Variants in TRIM44 observed in about 807,000 individuals in gnomAD.
The protein encoded by TRIM44 is tripartite motif-containing protein 44.
Under a neutral mutation model 37.4 loss-of-function variants are expected in TRIM44, and 13 were observed. That is an observed-to-expected ratio of 0.35 (90% CI 0.23 to 0.55). TRIM44 has a LOEUF of 0.55. TRIM44 is among the 20% of genes least tolerant of loss of function. The pLI is 0.89. For missense variants in TRIM44, 426 were observed against 437.2 expected (o/e 0.97, Z 0.23); for synonymous variants, 175 against 157.2 (o/e 1.11, Z -0.85).
At chr11:35,682,130 C>T (rs1302538156) in intron 1 of TRIM44, among the ~76,000 whole-genome samples, 1 of 151,746 alleles carries the variant, frequency 6.6e-6, no homozygotes, top group African/African-American at 2.4e-5. Flanking sequence ...CTCCTGTAGC[C>T]ATGCCTGTCC....
At chr11:35,774,861 C>G (rs992508575) in intron 4 of TRIM44, among the ~76,000 whole-genome samples, 4 of 152,042 alleles carry the variant, frequency 2.6e-5, no homozygotes, top group Admixed American at 6.6e-5. Context: ...TGCTGTTTTG[C>G]TTACTGGAGC....
chr11:35,788,406 A>G (rs1853157068), intron 4 of TRIM44, among the ~76,000 whole-genome samples: 1 of 152,154 alleles, frequency 6.6e-6, no homozygotes, highest in African/African-American at 2.4e-5. Flanking sequence ...TTCTTTACCA[A>G]AGGGAGGGGT....
chr11:35,735,364 A>C, intron 3 of TRIM44, 62 bp from the exon 4 acceptor site: 1 of 1,587,240 alleles, frequency 6.3e-7, no homozygotes, highest in East Asian at 2.2e-5. Context: ...AAAAGAAAGA[A>C]ATCTGACTCT....
intron 4 of TRIM44, among the ~76,000 whole-genome samples, chr11:35,771,267 G>C (rs989808536): frequency 7.9e-5 from 12 of 152,194 alleles, no homozygotes; most frequent in Admixed American, 7.8e-4. Context: ...GGAAACTGGC[G>C]CAAAGGTGAC....
intron 3 of TRIM44, among the ~76,000 whole-genome samples, chr11:35,733,635 A>G (rs1044134492): frequency 6.6e-6 from 1 of 152,132 alleles, no homozygotes; most frequent in Non-Finnish European, 1.5e-5. Flanking sequence ...CAGTCTGCCA[A>G]AAATGCCCTT....
At chr11:35,760,453 G>C (rs548101428) in intron 4 of TRIM44, among the ~76,000 whole-genome samples, 100 of 152,296 alleles carry the variant, frequency 6.6e-4, no homozygotes, top group African/African-American at 2.3e-3. Context: ...CAGGTGAGGC[G>C]ATGCCTCGCC....
Position 35,813,680 on chromosome 11 carries a change from AATG to A in TRIM44, c.*7300_*7302del, listed in dbSNP as rs1265900652. 2 of 152,286 alleles carry A rather than the reference AATG, an allele frequency of 1.3e-5. No individual in the cohort carries two copies. Among genetic ancestry groups the A allele is most frequent in the South Asian group, 2.1e-4 (1 of 4,822 alleles). 9.4% of individuals were successfully genotyped at this position (152,286 alleles called of 1,614,324 possible). ...TATCATGGGACAATATTCTATTTAA[AATG>A]ATGACCCTGTGCACCATACATAAAA... is the stretch of plus-strand genomic sequence containing the variant. On this transcript the variant is annotated 3_prime_UTR_variant, in exon 5 of 5. Transcript: ENST00000299413.
intron 2 of TRIM44, among the ~76,000 whole-genome samples, chr11:35,700,655 T>C (rs1474095929): frequency 6.6e-6 from 1 of 152,220 alleles, no homozygotes; most frequent in Non-Finnish European, 1.5e-5. Flanking sequence ...CAACCAGTTA[T>C]TTTACTTTAG....
At chr11:35,747,804 C>G (rs1411159442) in intron 4 of TRIM44, among the ~76,000 whole-genome samples, 1 of 151,594 alleles carries the variant, frequency 6.6e-6, no homozygotes, top group Non-Finnish European at 1.5e-5. Context: ...GTGGCAGGTG[C>G]AGGCCAACTG....
chr11:35,772,941 C>G (rs1852893316), intron 4 of TRIM44, among the ~76,000 whole-genome samples: 1 of 152,124 alleles, frequency 6.6e-6, no homozygotes, highest in Non-Finnish European at 1.5e-5. Context: ...CTCTGTGTCC[C>G]CATGCAAATC....
chr11:35,671,118 G>A (rs190007322), intron 1 of TRIM44, among the ~76,000 whole-genome samples: 11 of 152,352 alleles, frequency 7.2e-5, no homozygotes, highest in African/African-American at 2.6e-4. Flanking sequence ...TACTTTCTAA[G>A]TATTGGGAAT....
rs1380529058 is a variant in TRIM44 at position 35,808,819 on chromosome 11, T to G, written c.*2434T>G. ...TTTATCAATGTAAGAACTAGGATGC[T>G]TCCTGCAGTGGCACTACCTTCCCCT... On this transcript the variant is annotated 3_prime_UTR_variant, in exon 5 of 5. Coordinates refer to ENST00000299413, the MANE Select transcript of TRIM44 (RefSeq NM_017583.6). 6.6e-6 allele frequency: 1 copy of G among 152,250 alleles called. No homozygotes were observed. The highest frequency in any genetic ancestry group is 2.4e-5 in the African/African-American group (1 of 41,458). The allele number at this position is 152,250 out of a possible 1,614,324, so 9.4% of individuals were successfully genotyped here. A position where few individuals can be genotyped will look rare whatever the true frequency, so the allele number is the denominator to read the frequency against.
At chr11:35,737,824 A>G (rs1590555795) in intron 4 of TRIM44, among the ~76,000 whole-genome samples, 1 of 152,206 alleles carries the variant, frequency 6.6e-6, no homozygotes, top group Non-Finnish European at 1.5e-5. Flanking sequence ...CAACAAGAGC[A>G]AGACTCCATC....
intron 2 of TRIM44, among the ~76,000 whole-genome samples, chr11:35,705,739 A>T (rs1317746531): frequency 6.8e-6 from 1 of 147,686 alleles, no homozygotes; most frequent in African/African-American, 2.4e-5. Context: ...AACATACCAG[A>T]ATCTCTGGGA....
At position 35,740,174 on chromosome 11, in the gene TRIM44, T is replaced by C. The variant is rs567633392; in HGVS notation, c.1007+4729T>C. Among the ~76,000 whole-genome samples the C allele has an allele frequency of 1.6e-4, 23 of 146,444 alleles. No homozygotes were observed. In the South Asian group the frequency reaches 5.1e-3, roughly 32 times the overall value. ...TTTTTTTTCCTAAGCAGAAAAGCAA[T>C]TTACACTTTTGGCATCAATTTTCTG... On this transcript the variant is annotated intron_variant, in intron 4 of 4. Coordinates refer to ENST00000299413, the MANE Select transcript of TRIM44 (RefSeq NM_017583.6).
chr11:35,771,998 A>G (rs1852879310), intron 4 of TRIM44, among the ~76,000 whole-genome samples: 1 of 152,152 alleles, frequency 6.6e-6, no homozygotes, highest in Admixed American at 6.5e-5. Context: ...TGGTCAGCCC[A>G]GTGTCCCTGT....
rs35522287 is a variant in TRIM44, at chr11:35,665,586, G to GTTTTTTTT, written c.669+1825_669+1832dup. On this transcript the variant is annotated intron_variant, in intron 1 of 4. Transcript: ENST00000299413. ...TCATTATATGAGTTTTTATATATCT[G>GTTTTTTTT]TTTTTTTTTTTTTTTTTTTTTTTTT... Among the ~76,000 whole-genome samples, 7 of 71,512 alleles carry GTTTTTTTT rather than the reference G, an allele frequency of 9.8e-5. 1 individual carries two copies. The highest frequency in any genetic ancestry group is 2.8e-4 in the Admixed American group (2 of 7,254). The allele number at this position is 71,512 out of a possible 152,430, so 46.9% of individuals were successfully genotyped here.
intron 4 of TRIM44, among the ~76,000 whole-genome samples, chr11:35,802,692 A>G (rs1188902714): frequency 6.6e-6 from 1 of 152,202 alleles, no homozygotes; most frequent in East Asian, 1.9e-4. Context: ...CCGGTTAACT[A>G]AACTTCACTC....
At position 35,809,469 on chromosome 11, in the gene TRIM44, G is replaced by C. The variant is rs746628963; in HGVS notation, c.*3084G>C. ...AGTTAGGGCTCAGAAATGGCATTGA[G>C]GTAGCCTTATTTCTCCCCTTTAGCA... is the stretch of plus-strand genomic sequence containing the variant. On this transcript the variant is annotated 3_prime_UTR_variant, in exon 5 of 5. Transcript: ENST00000299413. 5 of 152,182 alleles carry C rather than the reference G, an allele frequency of 3.3e-5. No homozygotes were observed. Among genetic ancestry groups the C allele is most frequent in the Non-Finnish European group, 7.3e-5 (5 of 68,038 alleles). The allele number at this position is 152,182 out of a possible 1,614,324, so 9.4% of individuals were successfully genotyped here. A position where few individuals can be genotyped will look rare whatever the true frequency, so the allele number is the denominator to read the frequency against.
Sources: gnomAD v4.1 joint callset for allele counts (sites outside exome capture counted in the v4.1 genomes callset) on GRCh38, gnomAD v4.1.1 for gene constraint, MANE v1.5 for transcripts, NCBI Gene and HGNC (gene_info 2026-07-23, HGNC 2026-07-21) for gene names.